SEMA3F: variants seen among roughly 807,000 people sequenced by gnomAD.
The protein encoded by SEMA3F is semaphorin-3F.
SEMA3F carries 30 observed loss-of-function variants against 98.5 expected under a neutral mutation model. That is an observed-to-expected ratio of 0.30 (90% CI 0.23 to 0.41). The LOEUF is 0.41. SEMA3F is among the 10% of genes least tolerant of loss of function. The pLI, the probability that SEMA3F is intolerant of heterozygous loss-of-function variation, is 1.00. For synonymous variants in SEMA3F, 380 were observed against 444.8 expected, an observed-to-expected ratio of 0.85 and a Z score of 1.83; for missense variants, 866 against 1,119.3, an observed-to-expected ratio of 0.77 and a Z score of 3.23.
rs937182132 is a variant in SEMA3F at position 50,173,818 on chromosome 3, C to T, written c.138C>T (p.His46=). The T allele has an allele frequency of 1.9e-6, 3 of 1,614,012 alleles. No homozygotes were observed. Among genetic ancestry groups the T allele is most frequent in the Non-Finnish European group, 2.5e-6 (3 of 1,180,036 alleles). Residue 46 remains histidine, a synonymous_variant, in exon 3 of 19, where the codon CAC becomes CAT. Coordinates refer to ENST00000002829, the MANE Select transcript of SEMA3F (RefSeq NM_004186.5). ...FKELKATGTA[H]FFNFLLNTTD... is the part of the protein sequence containing the mutation. ...AGCTGAAGGCCACAGGCACCGCCCACTTCTTCAACTTCCTGCTCAACACAA... is the reference window on the plus strand; with the variant it reads ...AGCTGAAGGCCACAGGCACCGCCCATTTCTTCAACTTCCTGCTCAACACAA...
At chr3:50,169,885 T>C (rs1304465126) in intron 2 of SEMA3F, among the ~76,000 whole-genome samples, 2 of 152,326 alleles carry the variant, frequency 1.3e-5, no homozygotes, top group South Asian at 2.1e-4. Context: ...ATCTGGCACC[T>C]GCTGATGGCA....
intron 2 of SEMA3F, among the ~76,000 whole-genome samples, chr3:50,161,810 T>A (rs182666633): frequency 9.6e-4 from 146 of 152,340 alleles, no homozygotes; most frequent in Non-Finnish European, 1.7e-3. Flanking sequence ...CAGCACCTGC[T>A]GTGTACCAGG....
chr3:50,155,162 A>C, upstream of SEMA3F: 1 of 350,476 alleles, frequency 2.9e-6, no homozygotes. The surrounding 1 kb of genome is among the most constrained non-coding windows in gnomAD (Gnocchi z 4.9). Context: ...GCCGCGAGGA[A>C]CCGTGCAGCC....
At chr3:50,157,608 C>T (rs1374893266) in intron 1 of SEMA3F, among the ~76,000 whole-genome samples, 2 of 152,130 alleles carry the variant, frequency 1.3e-5, no homozygotes, top group Non-Finnish European at 2.9e-5. Context: ...TTTCTTCCTT[C>T]CCTCTCCTTC....
chr3:50,178,560 A>G (rs1326010045), intron 7 of SEMA3F, among the ~76,000 whole-genome samples: 3 of 151,468 alleles, frequency 2.0e-5, no homozygotes, highest in Non-Finnish European at 2.9e-5. Flanking sequence ...TGTCTCTACT[A>G]AAAATACAAA....
rs775992407 is a variant in SEMA3F, at chr3:50,188,051, G to A, written c.2294G>A (p.Arg765Gln). ...CCCAGGGAGGCTCCAGGGGCACCCC[G>A]GTCTCCTGAGCCCCAGGACCAGAAA... ...PSPREAPGAP[R>Q]SPEPQDQKKP... The change falls in exon 19 of 19, where the codon CGG (arginine) becomes CAG (glutamine). Residue 765 changes from arginine to glutamine, a missense_variant. By Grantham distance (43) the Arg-to-Gln change is conservative. Around this residue, in one of 3 missense-constraint regions of SEMA3F, gnomAD observed 245 missense variants for 260.5 expected, o/e 0.94. Transcript: ENST00000002829. This position sits in a 1 kb window ranked among gnomAD's most constrained non-coding sequence, Gnocchi z 4.5. 16 of 1,586,556 alleles carry A rather than the reference G, an allele frequency of 1.0e-5. No individual in the cohort carries two copies. The African/African-American group carries it at 1.5e-4, about 15-fold the overall frequency.
intron 6 of SEMA3F, 77 bp from the exon 7 acceptor site, chr3:50,176,691 C>T: frequency 1.9e-6 from 2 of 1,065,148 alleles, no homozygotes; most frequent in Non-Finnish European, 2.9e-6. Context: ...CATTCTCACC[C>T]TGGGAGCCTG....
chr3:50,174,790 C>T (rs1698747723), intron 5 of SEMA3F, among the ~76,000 whole-genome samples: 1 of 152,166 alleles, frequency 6.6e-6, no homozygotes, highest in African/African-American at 2.4e-5. Context: ...TTGTGGGGAG[C>T]TGCCCCTTCC....
In SEMA3F at chr3:50,159,634, C is replaced by T. The variant is rs201364829; in HGVS notation, c.12C>T (p.Ala4=). MLV[A]GLLLWASLLT... ...AGGCCCCTCCCACAATGCTTGTCGC[C>T]GGTCTTCTTCTCTGGGCTTCCCTAC... Residue 4 remains alanine, a synonymous_variant, in exon 2 of 19, where the codon GCC becomes GCT. Transcript: ENST00000002829. 242 of 1,609,210 alleles carry T rather than the reference C, an allele frequency of 1.5e-4. 1 individual carries two copies. Among genetic ancestry groups the T allele is most frequent in the Admixed American group, 9.6e-4 (57 of 59,286 alleles).
At chr3:50,171,615 G>A (rs1321737086) in intron 2 of SEMA3F, among the ~76,000 whole-genome samples, 1 of 152,102 alleles carries the variant, frequency 6.6e-6, no homozygotes, top group East Asian at 1.9e-4. Context: ...TCCCAGCCTG[G>A]GGGGGCTCCA....
At chr3:50,155,095 G>T (rs889061807), upstream of SEMA3F, 11 of 408,190 alleles carry the variant, frequency 2.7e-5, no homozygotes, top group African/African-American at 1.3e-4. This position sits in a 1 kb window ranked among gnomAD's most constrained non-coding sequence, Gnocchi z 4.9. Flanking sequence ...AGACCAGAGC[G>T]AGCGAACGAA....
In SEMA3F at chr3:50,175,277, G is replaced by A. The variant is rs1698767742; in HGVS notation, c.549+89G>A. 5 of 902,122 alleles carry A rather than the reference G, an allele frequency of 5.5e-6. No homozygotes were observed. The Middle Eastern group carries it at 1.0e-3, about 183-fold the overall frequency. 55.9% of individuals were successfully genotyped at this position (902,122 alleles called of 1,614,324 possible). On this transcript the variant is annotated intron_variant, in intron 6 of 18. Coordinates refer to ENST00000002829, the MANE Select transcript of SEMA3F (RefSeq NM_004186.5). ...CCTGCACCTGAGGCCAGCCTCCCCA[G>A]GGCCTCCCCTCTACCTCTGTGCCCA...
intron 7 of SEMA3F, among the ~76,000 whole-genome samples, chr3:50,181,455 G>A (rs1271827091): frequency 6.6e-6 from 1 of 151,782 alleles, no homozygotes; most frequent in Non-Finnish European, 1.5e-5. Context: ...CTGAGTAGCT[G>A]GGACTACATG....
chr3:50,178,829 C>CTTTTTT (rs1226887922), intron 7 of SEMA3F, among the ~76,000 whole-genome samples: 71 of 75,146 alleles, frequency 9.4e-4, no homozygotes, highest in African/African-American at 1.0e-3. Flanking sequence ...AATTCTTTTT[C>CTTTTTT]TTTTTTTTTT....
At chr3:50,185,406 C>T in intron 13 of SEMA3F, 37 bp from the exon 14 acceptor site, 1 of 1,340,030 alleles carries the variant, frequency 7.5e-7, no homozygotes, top group Admixed American at 1.8e-5. Flanking sequence ...TCCCCAGCAT[C>T]CCCAGCCCCA....
rs182227646 is a variant in SEMA3F, at chr3:50,160,191, C to G, written c.112+457C>G. 1.6e-3 allele frequency among the ~76,000 whole-genome samples: 237 copies of G among 152,264 alleles called. 3 individuals are homozygous for G. Among genetic ancestry groups the G allele is most frequent in the African/African-American group, 5.1e-3 (211 of 41,552 alleles). On this transcript the variant is annotated intron_variant, in intron 2 of 18. Coordinates refer to ENST00000002829, the MANE Select transcript of SEMA3F (RefSeq NM_004186.5). ...CTGGACACTGGAAGAGCAGGACCTG[C>G]TCTCTTGGGGTGTGGGTGCTCGAGG...
rs531168256 is a variant in SEMA3F, at chr3:50,170,891, G to T, written c.113-2902G>T. On this transcript the variant is annotated intron_variant, in intron 2 of 18. Coordinates refer to ENST00000002829, the MANE Select transcript of SEMA3F (RefSeq NM_004186.5). ...TCCCGTGGCCACTGGGAGGGGTCCC[G>T]CAGGTCCTGAGTCATGTGCCCTGTC... Among the ~76,000 whole-genome samples the T allele has an allele frequency of 3.3e-5, 5 of 152,054 alleles. 1 individual carries two copies. The highest frequency in any genetic ancestry group is 2.0e-4 in the Admixed American group (3 of 15,264).
upstream of SEMA3F, chr3:50,155,090 A>C: frequency 2.5e-6 from 1 of 403,272 alleles, no homozygotes. The surrounding 1 kb of genome is among the most constrained non-coding windows in gnomAD (Gnocchi z 4.9). Flanking sequence ...CCGCGAGACC[A>C]GAGCGAGCGA....
intron 2 of SEMA3F, among the ~76,000 whole-genome samples, chr3:50,163,230 A>C (rs1477587588): frequency 6.6e-6 from 1 of 152,208 alleles, no homozygotes; most frequent in Non-Finnish European, 1.5e-5. Flanking sequence ...CTGGGGTCGC[A>C]CTGGGCAGGC....
Sources: gnomAD v4.1 joint callset for allele counts (sites outside exome capture counted in the v4.1 genomes callset) on GRCh38, gnomAD v4.1.1 for gene constraint, gnomAD v4.1.1 regional missense constraint, Gnocchi (gnomAD v3.1) non-coding constraint, MANE v1.5 for transcripts, NCBI Gene and HGNC (gene_info 2026-07-23, HGNC 2026-07-21) for gene names.